EIF4G3: variants seen among roughly 807,000 people sequenced by gnomAD.
EIF4G3 encodes eukaryotic translation initiation factor 4 gamma 3, also known as eIF-4-gamma 3.
A neutral mutation model predicts 186.4 loss-of-function variants in EIF4G3; 34 were observed. That is an observed-to-expected ratio of 0.18 (90% CI 0.14 to 0.24). The LOEUF (loss-of-function observed/expected upper bound fraction) is 0.24, where lower values mean the gene tolerates loss of function less well. Ranked by LOEUF, EIF4G3 falls within the 10% of genes least tolerant of loss-of-function variation. EIF4G3 has a pLI of 1.00. For missense variants in EIF4G3, 1,536 were observed against 1,948.5 expected (o/e 0.79, Z 3.99); for synonymous variants, 673 against 679.5 (o/e 0.99, Z 0.15).
At chr1:21,153,126 C>G (rs1365858372) in intron 2 of EIF4G3, among the ~76,000 whole-genome samples, 1 of 152,180 alleles carries the variant, frequency 6.6e-6, no homozygotes, top group Non-Finnish European at 1.5e-5. Context: ...TTTACTTCTT[C>G]CCACAGTTCT....
At chr1:21,096,565 G>A (rs1255736105) in intron 2 of EIF4G3, among the ~76,000 whole-genome samples, 2 of 152,166 alleles carry the variant, frequency 1.3e-5, no homozygotes, top group Non-Finnish European at 2.9e-5. Context: ...ACAAGTTGAA[G>A]TTAACAATTC....
chr1:21,160,592 T>C (rs1285366537), intron 2 of EIF4G3, among the ~76,000 whole-genome samples: 2 of 152,106 alleles, frequency 1.3e-5, no homozygotes, highest in African/African-American at 4.8e-5. Context: ...ACATCATGAA[T>C]CTCCTGATAT....
At chr1:20,997,971 GGTTAT>G (rs2082657695) in intron 6 of EIF4G3, among the ~76,000 whole-genome samples, 2 of 151,312 alleles carry the variant, frequency 1.3e-5, no homozygotes, top group South Asian at 4.2e-4. Flanking sequence ...AAAATTAAGT[GGTTAT>G]ATTAAGACAA....
intron 2 of EIF4G3, among the ~76,000 whole-genome samples, chr1:21,127,406 C>A (rs1287823796): frequency 6.6e-6 from 1 of 152,188 alleles, no homozygotes; most frequent in African/African-American, 2.4e-5. Context: ...TTCTACACAG[C>A]ACTTATCACC....
chr1:20,891,102 T>TA (rs1394726814), intron 18 of EIF4G3, among the ~76,000 whole-genome samples: 1 of 152,242 alleles, frequency 6.6e-6, no homozygotes, highest in Non-Finnish European at 1.5e-5. Context: ...CATACGTAGG[T>TA]ATACAGAGGA....
chr1:21,080,394 T>C (rs183666228), intron 3 of EIF4G3, among the ~76,000 whole-genome samples: 2 of 151,202 alleles, frequency 1.3e-5, no homozygotes, highest in East Asian at 3.9e-4. Flanking sequence ...TCAGCTAAAA[T>C]CATGCCACTG....
intron 13 of EIF4G3, among the ~76,000 whole-genome samples, chr1:20,944,543 G>A (rs979174785): frequency 2.0e-5 from 3 of 149,900 alleles, no homozygotes; most frequent in Non-Finnish European, 4.4e-5. Flanking sequence ...GAAAAGTGGG[G>A]AGAAGGAGAG....
chr1:21,017,443 A>G (rs1290355258), intron 4 of EIF4G3, among the ~76,000 whole-genome samples: 2 of 152,034 alleles, frequency 1.3e-5, no homozygotes, highest in Non-Finnish European at 2.9e-5. Context: ...CCTGGCCAAC[A>G]TGGCAAAACT....
chr1:20,892,835 C>T (rs1045215676), intron 18 of EIF4G3: 19 of 739,450 alleles, frequency 2.6e-5, no homozygotes, highest in South Asian at 3.7e-5. Flanking sequence ...AAGGTTGGCT[C>T]GCTCTGTATA....
chr1:20,908,888 G>A (rs541627646), intron 14 of EIF4G3, among the ~76,000 whole-genome samples: 155 of 152,238 alleles, frequency 1.0e-3, no homozygotes, highest in Middle Eastern at 3.4e-3. Flanking sequence ...AGTGGCTCAC[G>A]TCTGTATTCC....
intron 3 of EIF4G3, 115 bp downstream of exon 3, chr1:21,089,023 T>C: frequency 1.6e-6 from 1 of 633,852 alleles, no homozygotes; most frequent in Non-Finnish European, 2.9e-6. Context: ...AGAATTTTAT[T>C]GAACTTTTTG....
rs2095740487 is a variant in EIF4G3 at position 20,942,117 on chromosome 1, T to G, written c.1037A>C (p.Gln346Pro). The G allele has an allele frequency of 6.2e-7, 1 of 1,614,026 alleles. No individual in the cohort carries two copies. The highest frequency in any genetic ancestry group is 1.1e-5 in the South Asian group (1 of 91,086). Residue 346 changes from glutamine (Q) to proline (P), a missense_variant, in exon 14 of 37, where the codon CAA becomes CCA. Gln to Pro is a moderately conservative substitution (Grantham distance 76). This residue lies in a region of EIF4G3 where 560 missense variants were observed against 547.8 expected (regional missense o/e 1.02). Transcript: ENST00000602326. The part of the protein sequence containing the change: ...AAPTSSALSS[Q>P]PIFTTAIDDR... The stretch of plus-strand genomic sequence containing the variant: ...ATCTATAGCAGTGGTGAATATTGGT[T>G]GGCTACTAAGAGCAGAAGAGGTGGG...
intron 23 of EIF4G3, 68 bp from the exon 24 acceptor site, chr1:20,860,585 A>T: frequency 6.5e-7 from 1 of 1,539,156 alleles, no homozygotes; most frequent in Non-Finnish European, 8.8e-7. Flanking sequence ...AAAAATTAGC[A>T]ATTTTTACTA....
chr1:20,860,284 G>T, intron 24 of EIF4G3, 101 bp downstream of exon 24: 2 of 1,492,770 alleles, frequency 1.3e-6, no homozygotes, highest in African/African-American at 1.4e-5. Context: ...CTATTCTTTG[G>T]GCTGTTCTTT....
At chr1:20,886,454 C>T (rs900431399) in intron 18 of EIF4G3, 83 bp from the exon 19 acceptor site, 42 of 1,346,348 alleles carry the variant, frequency 3.1e-5, no homozygotes, top group Non-Finnish European at 4.2e-5. Flanking sequence ...CTGATGACTA[C>T]GCCAAGCAAT....
intron 2 of EIF4G3, among the ~76,000 whole-genome samples, chr1:21,166,127 T>TTTTTTTTTTTTTTTTG (rs1387588547): frequency 6.7e-6 from 1 of 149,046 alleles, no homozygotes; most frequent in African/African-American, 2.5e-5. Flanking sequence ...TTTTTCCTTT[T>TTTTTTTTTTTTTTTTG]AAAAATTCAT....
intron 29 of EIF4G3, among the ~76,000 whole-genome samples, chr1:20,842,255 A>G (rs2068881190): frequency 6.6e-6 from 1 of 152,154 alleles, no homozygotes; most frequent in South Asian, 2.1e-4. Flanking sequence ...TGAGAACCCG[A>G]CTTTACATGT....
At chr1:20,962,284 A>G (rs549667483) in intron 12 of EIF4G3, among the ~76,000 whole-genome samples, 4 of 152,268 alleles carry the variant, frequency 2.6e-5, no homozygotes, top group South Asian at 2.1e-4. Flanking sequence ...CCGATAAAAC[A>G]TATTTTTTTC....
intron 4 of EIF4G3, among the ~76,000 whole-genome samples, chr1:21,042,405 T>G (rs1312160485): frequency 1.3e-5 from 2 of 152,242 alleles, no homozygotes; most frequent in Non-Finnish European, 2.9e-5. Flanking sequence ...TGAGAAAATT[T>G]AAAATGACCA....
Sources: allele counts gnomAD v4.1 joint callset (sites outside exome capture counted in the v4.1 genomes callset), GRCh38; gene constraint gnomAD v4.1.1; regional missense constraint gnomAD v4.1.1; transcripts MANE v1.5; gene names NCBI Gene and HGNC (gene_info 2026-07-23, HGNC 2026-07-21).